The following IL17RA variants were observed in gnomAD, a reference collection of about 807,000 sequenced individuals.
IL17RA encodes the protein interleukin-17 receptor A.
In IL17RA, 34 loss-of-function variants were observed where a neutral mutation model predicts 50.4. That is an observed-to-expected ratio of 0.67 (90% CI 0.51 to 0.90). IL17RA has a LOEUF of 0.90. Ranked by LOEUF, IL17RA falls within the 40% of genes least tolerant of loss-of-function variation. IL17RA has a pLI of 0.00. For missense variants in IL17RA, 1,276 were observed against 1,169.8 expected (o/e 1.09, Z -1.32); for synonymous variants, 585 against 510.4 (o/e 1.15, Z -1.97).
rs546131366 is a variant in IL17RA at position 17,108,629 on chromosome 22, C to T, written c.1410C>T (p.Asp470=). The T allele has an allele frequency of 2.5e-6, 4 of 1,605,366 alleles. No individual in the cohort carries two copies. In the East Asian group the frequency reaches 8.9e-5, roughly 36 times the overall value. Residue 470 remains aspartate, a synonymous_variant, in exon 13 of 13, where the codon GAC becomes GAT. Transcript: ENST00000319363. ...GGGCGCCTGTGCGGCTGCGCTGCGA[C>T]CACGGAAAGCCCGTGGGGGACCTGT... ...GRGAPVRLRC[D]HGKPVGDLFT...
At chr22:17,085,465 G>A (rs2061323963) in intron 1 of IL17RA, among the ~76,000 whole-genome samples, 1 of 152,064 alleles carries the variant, frequency 6.6e-6, no homozygotes, top group Non-Finnish European at 1.5e-5. Context: ...ATCGCGCGGC[G>A]CGTGTTGCAC....
chr22:17,100,228 T>G, intron 4 of IL17RA, 127 bp from the exon 5 acceptor site: 1 of 1,104,256 alleles, frequency 9.1e-7, no homozygotes, highest in Non-Finnish European at 1.4e-6. Flanking sequence ...GATTTTGCTG[T>G]GGTTGTTGCT....
rs2061448687 is a variant in IL17RA, at chr22:17,112,740, A to G, written c.*2920A>G. Reference sequence around the variant, plus strand: ...AAAGCCACACCTTTATTTTTGTATTATTCTGAACCATGGCTAATAAATTGT... The same window carrying G: ...AAAGCCACACCTTTATTTTTGTATTGTTCTGAACCATGGCTAATAAATTGT... On this transcript the variant is annotated 3_prime_UTR_variant, in exon 13 of 13. Transcript: ENST00000319363. The G allele has an allele frequency of 6.6e-6, 1 of 152,176 alleles. No individual in the cohort carries two copies. The highest frequency in any genetic ancestry group is 1.5e-5 in the Non-Finnish European group (1 of 68,032). 9.4% of individuals were successfully genotyped at this position (152,176 alleles called of 1,614,324 possible).
At chr22:17,102,388 C>T (rs1240418047) in intron 7 of IL17RA, 86 bp downstream of exon 7, 1 of 1,482,306 alleles carries the variant, frequency 6.7e-7, no homozygotes, top group Non-Finnish European at 9.4e-7. Context: ...TCTGACAGAA[C>T]CGCGTTGCTA....
intron 9 of IL17RA, 120 bp from the exon 10 acceptor site, chr22:17,105,471 A>T: frequency 2.1e-6 from 2 of 957,706 alleles, no homozygotes; most frequent in Non-Finnish European, 3.4e-6. Context: ...ACCTGGATCT[A>T]GAGTGCCTGG....
chr22:17,100,855 C>T (rs2061388495), intron 5 of IL17RA, among the ~76,000 whole-genome samples: 1 of 152,212 alleles, frequency 6.6e-6, no homozygotes, highest in Admixed American at 6.5e-5. Context: ...GTCCCAGCCT[C>T]CGTGGCTTGC....
intron 7 of IL17RA, among the ~76,000 whole-genome samples, chr22:17,102,739 G>A (rs941572324): frequency 1.1e-4 from 17 of 152,120 alleles, no homozygotes; most frequent in African/African-American, 3.4e-4. Flanking sequence ...GTTGGAGTTC[G>A]AGACTACAGT....
chr22:17,085,121 T>A lies in IL17RA; in HGVS notation c.30T>A (p.Ala10=), dbSNP rs577217331. The A allele has an allele frequency of 3.5e-4, 498 of 1,403,778 alleles. 2 individuals carry two copies. In the African/African-American group the frequency reaches 7.0e-3, roughly 20 times the overall value. The allele number at this position is 1,403,778 out of a possible 1,614,324, so 87.0% of individuals were successfully genotyped here. The change falls in exon 1 of 13, where the codon GCT becomes GCA. Residue 10 remains alanine, a synonymous_variant. Coordinates refer to ENST00000319363, the MANE Select transcript of IL17RA (RefSeq NM_014339.7). ...GGGCCGCACGCAGCCCGCCGTCCGC[T>A]GTCCCGGGGCCCCTGCTGGGGCTGC... is the stretch of plus-strand genomic sequence containing the variant. The part of the protein sequence containing the change: MGAARSPPS[A]VPGPLLGLLL...
At chr22:17,107,613 CG>C in intron 11 of IL17RA, 113 bp from the exon 12 acceptor site, 3 of 895,968 alleles carry the variant, frequency 3.3e-6, no homozygotes, top group Non-Finnish European at 5.6e-6. Context: ...TGCTCAGTCT[CG>C]GGGCTGCCCC....
At chr22:17,092,765 T>C (rs41368449) in intron 1 of IL17RA, among the ~76,000 whole-genome samples, 3 of 152,320 alleles carry the variant, frequency 2.0e-5, no homozygotes, top group Non-Finnish European at 4.4e-5. Flanking sequence ...CTTCCTTCTG[T>C]TTTTTTGTTA....
rs41452546 is a variant in IL17RA at position 17,102,570 on chromosome 22, G to T, written c.762+268G>T. Among the ~76,000 whole-genome samples, 708 of 151,418 alleles carry T rather than the reference G, an allele frequency of 4.7e-3. 3 individuals are homozygous for T. Among genetic ancestry groups the T allele is most frequent in the African/African-American group, 0.016 (665 of 41,292 alleles). The stretch of plus-strand genomic sequence containing the variant: ...CGCCCCCTTGTTCTCTTTTTGTTTT[G>T]CTTTGTTTATTACAAAAAGGATTTG... On this transcript the variant is annotated intron_variant, in intron 7 of 12. Coordinates refer to ENST00000319363, the MANE Select transcript of IL17RA (RefSeq NM_014339.7).
chr22:17,099,504 C>T (rs13053889), intron 4 of IL17RA, among the ~76,000 whole-genome samples: 24,011 of 152,098 alleles, frequency 0.16, 2,099 homozygotes, highest in Middle Eastern at 0.2. Flanking sequence ...GCCAGAAACT[C>T]TTAGGGTGGG....
At position 17,108,904 on chromosome 22, in the gene IL17RA, C is replaced by T. The variant is rs12484684; in HGVS notation, c.1685C>T (p.Pro562Leu). 1.9e-6 allele frequency: 3 copies of T among 1,611,186 alleles called. No homozygotes were observed. The highest frequency in any genetic ancestry group is 2.5e-6 in the Non-Finnish European group (3 of 1,179,294). ...ELSGDNYLRSPGGRQLRAALD... is the reference protein window; with the variant it reads ...ELSGDNYLRSLGGRQLRAALD... ...TCGGGGGACAACTACCTGCGGAGCC[C>T]GGGCGGCAGGCAGCTCCGCGCCGCC... The change falls in exon 13 of 13, where the codon CCG becomes CTG. Residue 562 changes from proline (P) to leucine (L), a missense_variant. Physicochemically the swap from Pro to Leu is moderately conservative, Grantham distance 98. Coordinates refer to ENST00000319363, the MANE Select transcript of IL17RA (RefSeq NM_014339.7).
At chr22:17,105,655 A>T in intron 10 of IL17RA, 53 bp downstream of exon 10, 2 of 1,597,596 alleles carry the variant, frequency 1.3e-6, no homozygotes, top group Non-Finnish European at 1.7e-6. Flanking sequence ...GACATTCCCC[A>T]GTGGCCACTT....
intron 2 of IL17RA, chr22:17,097,528 AT>A: frequency 3.5e-6 from 2 of 567,882 alleles, no homozygotes; most frequent in South Asian, 4.1e-5. Flanking sequence ...CTGTGCCCTT[AT>A]TCCCAATCAC....
At position 17,112,731 on chromosome 22, in the gene IL17RA, T is replaced by G. The variant is rs991550403; in HGVS notation, c.*2911T>G. 7 of 152,192 alleles carry G rather than the reference T, an allele frequency of 4.6e-5. No individual in the cohort carries two copies. Among genetic ancestry groups the G allele is most frequent in the African/African-American group, 1.7e-4 (7 of 41,454 alleles). 9.4% of individuals were successfully genotyped at this position (152,192 alleles called of 1,614,324 possible). On this transcript the variant is annotated 3_prime_UTR_variant, in exon 13 of 13. Transcript: ENST00000319363. ...TGTGTAAATAAAGCCACACCTTTAT[T>G]TTTGTATTATTCTGAACCATGGCTA...
At chr22:17,102,097 G>C in intron 6 of IL17RA, 42 bp from the exon 7 acceptor site, 2 of 1,613,942 alleles carry the variant, frequency 1.2e-6, no homozygotes, top group Non-Finnish European at 1.7e-6. Context: ...GCACATGTGC[G>C]TGCCCCTCCT....
chr22:17,097,054 T>C lies in IL17RA; in HGVS notation c.139-8T>C, dbSNP rs2061370886. 2 of 1,613,358 alleles carry C rather than the reference T, an allele frequency of 1.2e-6. No homozygotes were observed. The highest frequency in any genetic ancestry group is 8.5e-7 in the Non-Finnish European group (1 of 1,179,448). ...CCAGCTGTAATAACCACCCTCTTTT[T>C]TCCACAGGGGCTAAACTGCACGGTC... On this transcript the variant is annotated splice_region_variant and splice_polypyrimidine_tract_variant and intron_variant, in intron 1 of 12. Transcript: ENST00000319363.
rs375029961 is a variant in IL17RA, at chr22:17,108,755, C to T, written c.1536C>T (p.Asp512=). ...CYFSEVSCDG[D]VPDLFGAAPR... ...TCAGCGAGGTCAGCTGTGACGGCGA[C>T]GTCCCCGACCTGTTCGGCGCGGCGC... Residue 512 remains aspartate, a synonymous_variant, in exon 13 of 13, where the codon GAC becomes GAT. Transcript: ENST00000319363. 10 of 1,611,360 alleles carry T rather than the reference C, an allele frequency of 6.2e-6. No individual in the cohort carries two copies. Among genetic ancestry groups the T allele is most frequent in the Non-Finnish European group, 8.5e-6 (10 of 1,179,242 alleles).
Sources: gnomAD v4.1 joint callset for allele counts (sites outside exome capture counted in the v4.1 genomes callset) on GRCh38, gnomAD v4.1.1 for gene constraint, MANE v1.5 for transcripts, NCBI Gene and HGNC (gene_info 2026-07-23, HGNC 2026-07-21) for gene names.